GRIK2: variants seen among roughly 807,000 people sequenced by gnomAD.
GRIK2 encodes the protein glutamate ionotropic receptor kainate type subunit 2, also known as glutamate receptor ionotropic, kainate 2.
GRIK2 carries 32 observed loss-of-function variants against 100.3 expected under a neutral mutation model. The observed-to-expected ratio is 0.32, with a 90% confidence interval of 0.24 to 0.43. The LOEUF (loss-of-function observed/expected upper bound fraction) is 0.43. Among genes scored for constraint, GRIK2 ranks in the 20% least tolerant of loss-of-function variants. The pLI is 1.00. For synonymous variants in GRIK2, 417 were observed against 389.4 expected, an observed-to-expected ratio of 1.07 and a Z score of -0.83; for missense variants, 843 against 1,114.9, an observed-to-expected ratio of 0.76 and a Z score of 3.47.
chr6:101,568,771 G>T (rs1270152476), intron 2 of GRIK2, among the ~76,000 whole-genome samples: 1 of 151,690 alleles, frequency 6.6e-6, no homozygotes, highest in East Asian at 1.9e-4. Flanking sequence ...GTGATTTTTT[G>T]GTTATTTAAA....
chr6:101,882,837 G>A (rs1423245254), intron 11 of GRIK2, among the ~76,000 whole-genome samples: 2 of 151,944 alleles, frequency 1.3e-5, no homozygotes, highest in East Asian at 3.9e-4. Flanking sequence ...AATCTCATCA[G>A]TTTTTTCTTA....
intron 2 of GRIK2, among the ~76,000 whole-genome samples, chr6:101,536,953 T>G (rs760010928): frequency 6.6e-6 from 1 of 151,796 alleles, no homozygotes; most frequent in Non-Finnish European, 1.5e-5. Flanking sequence ...AGATAAAAAT[T>G]CTAAATGTAT....
intron 2 of GRIK2, among the ~76,000 whole-genome samples, chr6:101,489,588 T>G (rs1158331672): frequency 3.4e-5 from 5 of 146,690 alleles, no homozygotes; most frequent in Non-Finnish European, 7.5e-5. Context: ...ACTGATTTAC[T>G]GTGTTTTGTA....
At chr6:101,614,819 G>A (rs1353865602) in intron 2 of GRIK2, among the ~76,000 whole-genome samples, 2 of 151,700 alleles carry the variant, frequency 1.3e-5, no homozygotes, top group Non-Finnish European at 3.0e-5. Context: ...CTCACTTTAA[G>A]GTAAGACCTA....
intron 7 of GRIK2, among the ~76,000 whole-genome samples, chr6:101,755,137 C>T: frequency 6.8e-6 from 1 of 147,968 alleles, no homozygotes; most frequent in South Asian, 2.2e-4. Context: ...TAGCATAAAT[C>T]ATTTCTTTTC....
At chr6:102,020,387 G>A (rs1262209067) in intron 14 of GRIK2, among the ~76,000 whole-genome samples, 1 of 151,856 alleles carries the variant, frequency 6.6e-6, no homozygotes. Flanking sequence ...TCATGGGCAA[G>A]TAGAAATTTA....
At chr6:101,692,682 A>T (rs1772193920) in intron 7 of GRIK2, among the ~76,000 whole-genome samples, 1 of 152,086 alleles carries the variant, frequency 6.6e-6, no homozygotes, top group Non-Finnish European at 1.5e-5. Context: ...AGACACACAT[A>T]TATTTACCAA....
chr6:101,658,264 T>G (rs1474184571), intron 4 of GRIK2, among the ~76,000 whole-genome samples: 1 of 152,172 alleles, frequency 6.6e-6, no homozygotes, highest in Non-Finnish European at 1.5e-5. Context: ...CCATGTGTTC[T>G]TATTGTTCAA....
chr6:101,490,958 A>G (rs1212845869), intron 2 of GRIK2, among the ~76,000 whole-genome samples: 2 of 146,686 alleles, frequency 1.4e-5, no homozygotes, highest in Admixed American at 6.8e-5. Flanking sequence ...CACCTTTTCC[A>G]AAACATAACT....
chr6:101,465,523 C>T (rs1472903622), intron 2 of GRIK2, among the ~76,000 whole-genome samples: 2 of 152,122 alleles, frequency 1.3e-5, no homozygotes, highest in African/African-American at 2.4e-5. Context: ...CCATGATAGA[C>T]ATTTAGGTTA....
chr6:101,856,156 A>G (rs1784416036), intron 10 of GRIK2, among the ~76,000 whole-genome samples: 1 of 152,160 alleles, frequency 6.6e-6, no homozygotes, highest in African/African-American at 2.4e-5. Flanking sequence ...TTCAAGTAGT[A>G]GTGGGGAGGT....
Position 101,676,020 on chromosome 6 carries a change from G to A in GRIK2, c.542-603G>A, listed in dbSNP as rs183196123. ...GGGAATAGTTACATAAATTAGGTGC[G>A]TGATAAAACACAGTGTTCATTAAAG... On this transcript the variant is annotated intron_variant, in intron 4 of 16. Transcript: ENST00000369134. Among the ~76,000 whole-genome samples, 713 of 152,226 alleles carry A rather than the reference G, an allele frequency of 4.7e-3. 1 individual carries two copies. The highest frequency in any genetic ancestry group is 0.014 in the South Asian group (68 of 4,828).
intron 2 of GRIK2, among the ~76,000 whole-genome samples, chr6:101,487,938 C>CG (rs1677854432): frequency 6.9e-6 from 1 of 145,610 alleles, no homozygotes; most frequent in South Asian, 2.2e-4. Flanking sequence ...CTATCCACTA[C>CG]GGGAAAAAAA....
chr6:101,444,203 G>A (rs1038313782), intron 2 of GRIK2, among the ~76,000 whole-genome samples: 1 of 151,850 alleles, frequency 6.6e-6, no homozygotes, highest in African/African-American at 2.4e-5. Context: ...ACAGGCATGT[G>A]CCACCACATC....
chr6:102,055,621 TG>T, intron 16 of GRIK2, 41 bp downstream of exon 16: 1 of 1,480,174 alleles, frequency 6.8e-7, no homozygotes, highest in Non-Finnish European at 9.4e-7. Context: ...AAACAATTTT[TG>T]TTGTTACAAT....
chr6:101,444,072 TG>T (rs957626962), intron 2 of GRIK2, among the ~76,000 whole-genome samples: 12 of 134,198 alleles, frequency 8.9e-5, no homozygotes, highest in African/African-American at 2.8e-4. Context: ...CGGGTTTTTT[TG>T]TTTGTTTGTT....
chr6:101,755,315 C>T (rs1268056778), intron 7 of GRIK2, among the ~76,000 whole-genome samples: 3 of 151,690 alleles, frequency 2.0e-5, no homozygotes, highest in African/African-American at 7.3e-5. Flanking sequence ...TACAGGCGCC[C>T]GCCACCACGC....
At chr6:101,823,418 A>C (rs1392517933) in intron 10 of GRIK2, among the ~76,000 whole-genome samples, 1 of 151,836 alleles carries the variant, frequency 6.6e-6, no homozygotes, top group Non-Finnish European at 1.5e-5. Context: ...ATCGTCAACT[A>C]CAGGTCTATG....
chr6:101,606,771 G>A (rs1779454700), intron 2 of GRIK2, among the ~76,000 whole-genome samples: 1 of 151,916 alleles, frequency 6.6e-6, no homozygotes, highest in East Asian at 1.9e-4. Flanking sequence ...AAACTCAGGT[G>A]GATTTAGATG....
Sources: gnomAD v4.1 joint callset for allele counts (sites outside exome capture counted in the v4.1 genomes callset) on GRCh38, gnomAD v4.1.1 for gene constraint, MANE v1.5 for transcripts, NCBI Gene and HGNC (gene_info 2026-07-23, HGNC 2026-07-21) for gene names.